Variants in ACYP2 observed in about 807,000 individuals in gnomAD.
ACYP2 encodes the protein acylphosphatase-2.
Under a neutral mutation model 11.2 loss-of-function variants are expected in ACYP2, and 12 were observed. The ratio of observed to expected loss-of-function variants is 1.08; its 90% CI spans 0.69 to 1.74. ACYP2 has a LOEUF of 1.74. Among genes scored for constraint, ACYP2 ranks in the 40% most tolerant of loss-of-function variants. ACYP2 has a pLI of 0.00. For synonymous variants in ACYP2, 43 were observed against 32.2 expected, an observed-to-expected ratio of 1.33 and a Z score of -1.13; for missense variants, 134 against 101.9, an observed-to-expected ratio of 1.31 and a Z score of -1.35.
At chr2:54,054,783 G>C (rs147594924) in intron 3 of ACYP2, among the ~76,000 whole-genome samples, 2 of 152,162 alleles carry the variant, frequency 1.3e-5, no homozygotes, top group Non-Finnish European at 2.9e-5. Flanking sequence ...GAATACAAGA[G>C]ACTTCCTTCT....
Position 54,020,026 on chromosome 2 carries a change from T to G in ACYP2, c.63-30932T>G, listed in dbSNP as rs189308257. Among the ~76,000 whole-genome samples, 63 of 152,048 alleles carry G rather than the reference T, an allele frequency of 4.1e-4. 1 individual carries two copies. In the South Asian group the frequency reaches 8.1e-3, roughly 20 times the overall value. Reference sequence around the variant, plus strand: ...GGTGCAATCTCGGCTCACTGCAACCTCCTGGGTTCAAGGGATTCTCCTGCC... The same window carrying G: ...GGTGCAATCTCGGCTCACTGCAACCGCCTGGGTTCAAGGGATTCTCCTGCC... On this transcript the variant is annotated intron_variant, in intron 2 of 6. Coordinates refer to ENST00000607452, the MANE Select transcript of ACYP2 (RefSeq NM_001320586.2).
chr2:54,267,474 G>A (rs993464957), intron 6 of ACYP2: 1 of 951,344 alleles, frequency 1.1e-6, no homozygotes, highest in Non-Finnish European at 1.5e-6. Flanking sequence ...TGGTCCTAAA[G>A]CCTCCCTAGA....
chr2:54,147,295 A>G (rs1010428363), intron 6 of ACYP2, among the ~76,000 whole-genome samples: 1 of 152,048 alleles, frequency 6.6e-6, no homozygotes, highest in Non-Finnish European at 1.5e-5. Flanking sequence ...CAATATGTAG[A>G]CTTATGGGCT....
chr2:54,186,496 G>T (rs545708583), intron 6 of ACYP2, among the ~76,000 whole-genome samples: 5 of 152,178 alleles, frequency 3.3e-5, no homozygotes, highest in Admixed American at 3.3e-4. Flanking sequence ...TATATAAATA[G>T]CATTTTGTTG....
intron 3 of ACYP2, among the ~76,000 whole-genome samples, chr2:54,055,546 T>G (rs1244283687): frequency 6.6e-6 from 1 of 152,234 alleles, no homozygotes; most frequent in Non-Finnish European, 1.5e-5. Flanking sequence ...GAAAAAGTAT[T>G]ATTTTCCTAT....
At chr2:54,269,924 T>C (rs1194264410) in intron 6 of ACYP2, among the ~76,000 whole-genome samples, 2 of 152,194 alleles carry the variant, frequency 1.3e-5, no homozygotes, top group South Asian at 2.1e-4. Context: ...TATAACAGTC[T>C]GTTGAGTTGA....
At chr2:54,112,694 C>A (rs7562055) in intron 4 of ACYP2, among the ~76,000 whole-genome samples, 88,673 of 152,088 alleles carry the variant, frequency 0.58, 26,153 homozygotes, top group East Asian at 0.71. Flanking sequence ...ATAAAAGTTG[C>A]ATTCATACTA....
At chr2:54,299,645 G>A (rs1331949909) in intron 6 of ACYP2, among the ~76,000 whole-genome samples, 2 of 151,644 alleles carry the variant, frequency 1.3e-5, no homozygotes, top group African/African-American at 4.8e-5. Flanking sequence ...CCACAGCTCA[G>A]CAGTAGGGCA....
At chr2:54,065,461 T>A (rs751227419) in intron 4 of ACYP2, 1 of 398,638 alleles carries the variant, frequency 2.5e-6, no homozygotes, top group Non-Finnish European at 4.4e-6. Context: ...TTTCTTTAGA[T>A]CCAGACTCTG....
intron 4 of ACYP2, among the ~76,000 whole-genome samples, chr2:54,070,196 A>T (rs1296683104): frequency 4.7e-5 from 7 of 149,310 alleles, no homozygotes; most frequent in African/African-American, 1.2e-4. Flanking sequence ...CTTGAACCTG[A>T]GAGTTGGAGG....
chr2:54,115,333 A>T, intron 4 of ACYP2: 1 of 494,428 alleles, frequency 2.0e-6, no homozygotes, highest in Non-Finnish European at 3.5e-6. Context: ...AAGCTGGGGG[A>T]AGCCACTCTT....
At chr2:54,095,591 G>C (rs1678497813) in intron 4 of ACYP2, among the ~76,000 whole-genome samples, 1 of 148,806 alleles carries the variant, frequency 6.7e-6, no homozygotes, top group African/African-American at 2.5e-5. Context: ...TCCCGGACGG[G>C]GCGGCTGGCC....
chr2:54,256,579 C>T (rs913912780), intron 6 of ACYP2, among the ~76,000 whole-genome samples: 2 of 152,134 alleles, frequency 1.3e-5, no homozygotes, highest in African/African-American at 4.8e-5. Flanking sequence ...GTCATTCTTC[C>T]AGTATAGGTA....
intron 4 of ACYP2, among the ~76,000 whole-genome samples, chr2:54,126,047 C>G (rs1680473834): frequency 6.6e-6 from 1 of 152,110 alleles, no homozygotes; most frequent in South Asian, 2.1e-4. Context: ...CACCACTGCA[C>G]TCCAGCCTGG....
In ACYP2 at chr2:54,271,847, T is replaced by C. The variant is rs139135412; in HGVS notation, c.405-32841T>C. Among the ~76,000 whole-genome samples, 31 of 152,304 alleles carry C rather than the reference T, an allele frequency of 2.0e-4. No individual in the cohort carries two copies. In the East Asian group the frequency reaches 5.2e-3, roughly 26 times the overall value. ...GAATTCACTATAAACCTAGTCACTT[T>C]GATAAACTCACATAGGCTAATAAGC... is the stretch of plus-strand genomic sequence containing the variant. On this transcript the variant is annotated intron_variant, in intron 6 of 6. Coordinates refer to ENST00000607452, the MANE Select transcript of ACYP2 (RefSeq NM_001320586.2).
chr2:54,101,956 A>G (rs1206491348), intron 4 of ACYP2, among the ~76,000 whole-genome samples: 1 of 152,234 alleles, frequency 6.6e-6, no homozygotes, highest in Non-Finnish European at 1.5e-5. Flanking sequence ...CACAGTTTAC[A>G]TTAGGGTTCA....
intron 6 of ACYP2, among the ~76,000 whole-genome samples, chr2:54,244,425 C>T (rs957940302): frequency 2.8e-4 from 42 of 152,144 alleles, no homozygotes; most frequent in African/African-American, 9.7e-4. Context: ...TTGTCTCGAA[C>T]TCCTGACCTC....
At chr2:54,191,560 C>T (rs1477929582) in intron 6 of ACYP2, among the ~76,000 whole-genome samples, 1 of 151,976 alleles carries the variant, frequency 6.6e-6, no homozygotes, top group Non-Finnish European at 1.5e-5. Flanking sequence ...TCAGTTTTCT[C>T]ATCTATAAAA....
At chr2:54,228,865 T>A (rs1000368230) in intron 6 of ACYP2, among the ~76,000 whole-genome samples, 2 of 152,068 alleles carry the variant, frequency 1.3e-5, no homozygotes, top group African/African-American at 4.8e-5. Context: ...CAGTAGAAAC[T>A]GGGATACAGG....
Sources: allele counts gnomAD v4.1 joint callset (sites outside exome capture counted in the v4.1 genomes callset), GRCh38; gene constraint gnomAD v4.1.1; transcripts MANE v1.5; gene names NCBI Gene and HGNC (gene_info 2026-07-23, HGNC 2026-07-21).